Variants in ZNF722 observed in about 807,000 individuals in gnomAD.
ZNF722 encodes the protein zinc finger protein 479 pseudogene.
the ZNF722 span, among the ~76,000 whole-genome samples, chr7:64,007,682 G>T: frequency 6.6e-6 from 1 of 152,206 alleles, no homozygotes; most frequent in East Asian, 1.9e-4. Context: ...TACTATTGTT[G>T]AGTAGTGCTG....
the ZNF722 span, among the ~76,000 whole-genome samples, chr7:64,012,055 G>T: frequency 4.6e-5 from 7 of 151,790 alleles, no homozygotes; most frequent in African/African-American, 1.7e-4. Context: ...TCTTTCACTT[G>T]ATTGAATCGG....
chr7:64,013,724 T>C, the ZNF722 span, among the ~76,000 whole-genome samples: 1 of 152,142 alleles, frequency 6.6e-6, no homozygotes, highest in Non-Finnish European at 1.5e-5. Context: ...TATGCATGTT[T>C]TTCAGAAAGT....
At chr7:64,000,073 A>G in the ZNF722 span, among the ~76,000 whole-genome samples, 3 of 151,308 alleles carry the variant, frequency 2.0e-5, no homozygotes, top group African/African-American at 7.3e-5. Context: ...CTAATTACCT[A>G]CTGTTTAAAT....
chr7:64,014,803 C>T, the ZNF722 span, among the ~76,000 whole-genome samples: 1 of 152,084 alleles, frequency 6.6e-6, no homozygotes, highest in Non-Finnish European at 1.5e-5. Context: ...TGGCTTTTGA[C>T]ATTGTGCTCA....
the ZNF722 span, among the ~76,000 whole-genome samples, chr7:64,001,973 C>T: frequency 6.6e-6 from 1 of 152,098 alleles, no homozygotes; most frequent in African/African-American, 2.4e-5. Flanking sequence ...AACCTCTGCC[C>T]TCCAGTTTCA....
the ZNF722 span, among the ~76,000 whole-genome samples, chr7:64,011,712 T>C: frequency 2.6e-5 from 4 of 152,314 alleles, no homozygotes; most frequent in African/African-American, 9.6e-5. Flanking sequence ...TTGGTGAATC[T>C]GACAATTATG....
At chr7:64,012,202 T>G in the ZNF722 span, among the ~76,000 whole-genome samples, 4 of 152,168 alleles carry the variant, frequency 2.6e-5, no homozygotes, top group Non-Finnish European at 5.9e-5. Context: ...TTAGCTTCCT[T>G]GCAATGGGTT....
the ZNF722 span, chr7:64,006,372 C>A: frequency 8.9e-7 from 1 of 1,128,304 alleles, no homozygotes. Context: ...CACAAATCAA[C>A]AAGGCAGCCA....
the ZNF722 span, chr7:64,015,325 G>C: frequency 7.4e-7 from 1 of 1,351,984 alleles, no homozygotes; most frequent in Non-Finnish European, 1.0e-6. Flanking sequence ...CATTTCAAAT[G>C]TAAAAAATAT....
the ZNF722 span, chr7:64,015,908 C>T: frequency 5.2e-6 from 8 of 1,528,690 alleles, no homozygotes; most frequent in South Asian, 9.1e-5. Flanking sequence ...AGAAACCCTA[C>T]AAAAGTAAAT....
chr7:64,002,430 AT>A, the ZNF722 span, among the ~76,000 whole-genome samples: 3 of 152,276 alleles, frequency 2.0e-5, no homozygotes, highest in East Asian at 5.8e-4. Context: ...GTTTCAAAAA[AT>A]TTTTTGTGTC....
At chr7:64,015,746 T>C in the ZNF722 span, 1 of 1,613,652 alleles carries the variant, frequency 6.2e-7, no homozygotes, top group African/African-American at 1.3e-5. Context: ...CCTACACATG[T>C]GAAGAATGTG....
At chr7:64,007,777 C>T in the ZNF722 span, among the ~76,000 whole-genome samples, 1 of 152,174 alleles carries the variant, frequency 6.6e-6, no homozygotes, top group African/African-American at 2.4e-5. Flanking sequence ...ATCACTGGAT[C>T]AAATGGTATT....
At chr7:64,002,839 T>A in the ZNF722 span, among the ~76,000 whole-genome samples, 1 of 152,182 alleles carries the variant, frequency 6.6e-6, no homozygotes, top group Non-Finnish European at 1.5e-5. Context: ...CAACAAAAAA[T>A]ATTTCAGCAT....
chr7:64,013,080 G>T, the ZNF722 span, among the ~76,000 whole-genome samples: 1 of 152,048 alleles, frequency 6.6e-6, no homozygotes, highest in Admixed American at 6.6e-5. Context: ...GTGAACCAAA[G>T]AAATCTTTTT....
chr7:64,008,455 TAC>T, the ZNF722 span, among the ~76,000 whole-genome samples: 13 of 152,244 alleles, frequency 8.5e-5, no homozygotes, highest in African/African-American at 3.1e-4. Context: ...TTCAGCTTTC[TAC>T]ATATGGCTAG....
the ZNF722 span, among the ~76,000 whole-genome samples, chr7:64,001,841 T>C: frequency 6.6e-6 from 1 of 152,104 alleles, no homozygotes; most frequent in Non-Finnish European, 1.5e-5. Context: ...TTTATCTATC[T>C]TAGTCATTTT....
the ZNF722 span, among the ~76,000 whole-genome samples, chr7:64,003,317 A>C: frequency 6.6e-6 from 1 of 152,154 alleles, no homozygotes; most frequent in Non-Finnish European, 1.5e-5. Flanking sequence ...TTCAGTTATA[A>C]ACAACAAAAA....
chr7:64,015,007 T>TG, the ZNF722 span: 1 of 1,273,562 alleles, frequency 7.9e-7, no homozygotes, highest in Non-Finnish European at 1.1e-6. Context: ...TGGAGTAACT[T>TG]GTGATTTTTA....
Sources: gnomAD v4.1 joint callset for allele counts (sites outside exome capture counted in the v4.1 genomes callset) on GRCh38, gnomAD v4.1.1 for gene constraint, MANE v1.5 for transcripts, NCBI Gene and HGNC (gene_info 2026-07-23, HGNC 2026-07-21) for gene names.